ANXA4: variants seen among roughly 807,000 people sequenced by gnomAD.
The protein encoded by ANXA4 is 35-beta calcimedin.
A neutral mutation model predicts 49.8 loss-of-function variants in ANXA4; 39 were observed. The observed-to-expected ratio is 0.78, with a 90% CI of 0.61 to 1.02. The LOEUF is 1.02. ANXA4 is among the 50% of genes least tolerant of loss of function. The pLI is 0.00. For synonymous variants in ANXA4, 134 were observed against 152.5 expected (o/e 0.88, Z 0.89); for missense variants, 360 against 410.1 (o/e 0.88, Z 1.05).
At chr2:69,759,230 A>G (rs917338161) in intron 1 of ANXA4, among the ~76,000 whole-genome samples, 1 of 152,120 alleles carries the variant, frequency 6.6e-6, no homozygotes, top group African/African-American at 2.4e-5. Context: ...GGATGACTAT[A>G]GTAAAATAGT....
chr2:69,753,716 AG>A (rs1670942963), intron 1 of ANXA4, among the ~76,000 whole-genome samples: 2 of 152,110 alleles, frequency 1.3e-5, no homozygotes, highest in African/African-American at 4.8e-5. Context: ...GGCTGTTCAA[AG>A]GGGGTTGCCT....
At chr2:69,692,181 A>G (rs1677998237) in intron 2 of ANXA4, among the ~76,000 whole-genome samples, 1 of 152,226 alleles carries the variant, frequency 6.6e-6, no homozygotes, top group South Asian at 2.1e-4. Flanking sequence ...CACCGCGCCC[A>G]GACAACTCTT....
intron 3 of ANXA4, among the ~76,000 whole-genome samples, chr2:69,722,999 C>G (rs1669853615): frequency 7.0e-6 from 1 of 141,948 alleles, no homozygotes; most frequent in Non-Finnish European, 1.5e-5. Flanking sequence ...GATGAAACTC[C>G]ATCTCTACTA....
chr2:69,709,120 C>T (rs1266884393), intron 2 of ANXA4, among the ~76,000 whole-genome samples: 1 of 152,124 alleles, frequency 6.6e-6, no homozygotes, highest in Non-Finnish European at 1.5e-5. Context: ...TGAGAGTAAT[C>T]CCTATAGGAG....
chr2:69,699,751 A>G (rs1678270130), intron 2 of ANXA4, among the ~76,000 whole-genome samples: 3 of 152,226 alleles, frequency 2.0e-5, no homozygotes, highest in Admixed American at 2.0e-4. Context: ...TAATAAAAAG[A>G]TGCAGGTTGA....
At chr2:69,650,225 C>T (rs775760011) in intron 1 of ANXA4, among the ~76,000 whole-genome samples, 38 of 151,948 alleles carry the variant, frequency 2.5e-4, no homozygotes, top group South Asian at 2.1e-4. Context: ...CATGAGCCAC[C>T]GTGCTTGGCC....
At chr2:69,807,846 G>A (rs1043015687) in intron 5 of ANXA4, 60 bp from the exon 6 acceptor site, 5 of 1,391,236 alleles carry the variant, frequency 3.6e-6, no homozygotes, top group Non-Finnish European at 5.1e-6. Flanking sequence ...TTCCTTCTGT[G>A]TCTGGGCCTC....
chr2:69,748,015 C>G (rs1670680875), intron 1 of ANXA4, among the ~76,000 whole-genome samples: 1 of 152,010 alleles, frequency 6.6e-6, no homozygotes, highest in Non-Finnish European at 1.5e-5. Flanking sequence ...CTGTGGGGGA[C>G]AAGAGAACGG....
chr2:69,684,410 G>A (rs1677707900), intron 2 of ANXA4, among the ~76,000 whole-genome samples: 1 of 152,160 alleles, frequency 6.6e-6, no homozygotes, highest in South Asian at 2.1e-4. Flanking sequence ...TATAATTTGG[G>A]TGTTACAGTC....
intron 2 of ANXA4, among the ~76,000 whole-genome samples, chr2:69,693,901 G>A (rs1375455320): frequency 2.0e-5 from 3 of 151,922 alleles, no homozygotes; most frequent in Non-Finnish European, 2.9e-5. Context: ...CAGACCTCTG[G>A]ACAACTGTAC....
At chr2:69,739,277 C>T (rs115514103), upstream of ANXA4, among the ~76,000 whole-genome samples, 1 of 152,188 alleles carries the variant, frequency 6.6e-6, no homozygotes, top group South Asian at 2.1e-4. Context: ...GTTTGGAAGT[C>T]GGCTTTCTGA....
chr2:69,648,882 TCTTTTC>T (rs1559036742), intron 1 of ANXA4, among the ~76,000 whole-genome samples: 5 of 141,216 alleles, frequency 3.5e-5, no homozygotes, highest in East Asian at 2.3e-4. Flanking sequence ...TTTCTTTCTT[TCTTTTC>T]TTTTTTTTTT....
At chr2:69,819,608 A>G (rs1674145688) in intron 11 of ANXA4, among the ~76,000 whole-genome samples, 1 of 152,184 alleles carries the variant, frequency 6.6e-6, no homozygotes, top group Non-Finnish European at 1.5e-5. Context: ...ACAGATGAGG[A>G]AACTGAGGCA....
At chr2:69,725,889 T>G (rs1242517599) in intron 3 of ANXA4, among the ~76,000 whole-genome samples, 1 of 152,220 alleles carries the variant, frequency 6.6e-6, no homozygotes, top group African/African-American at 2.4e-5. Context: ...ATGCACAAAA[T>G]TCTGTAAAAT....
At chr2:69,660,775 G>GGAGAGAGA (rs60225306) in intron 2 of ANXA4, among the ~76,000 whole-genome samples, 3 of 145,666 alleles carry the variant, frequency 2.1e-5, no homozygotes, top group Non-Finnish European at 4.6e-5. Flanking sequence ...AGGGAGGGAG[G>GGAGAGAGA]GAGAGAGAGA....
intron 3 of ANXA4, among the ~76,000 whole-genome samples, chr2:69,801,518 C>T (rs761721460): frequency 5.3e-5 from 8 of 151,970 alleles, no homozygotes; most frequent in Non-Finnish European, 1.2e-4. Flanking sequence ...GATTCTCATG[C>T]CTCAGCCTCC....
chr2:69,644,666 G>T (rs1365422185), exon 1 of ANXA4: 1 of 152,212 alleles, frequency 6.6e-6, no homozygotes, highest in Non-Finnish European at 1.5e-5. Flanking sequence ...AAACTCGGGG[G>T]CTTTTCGGCC....
At chr2:69,819,244 T>G (rs1674129077) in intron 10 of ANXA4, 36 bp from the exon 11 acceptor site, 1 of 1,478,226 alleles carries the variant, frequency 6.8e-7, no homozygotes, top group Non-Finnish European at 9.3e-7. Context: ...GTCTTATCTG[T>G]AATCTTTTCA....
At chr2:69,732,729 G>A (rs1469604746) in intron 3 of ANXA4, among the ~76,000 whole-genome samples, 1 of 152,100 alleles carries the variant, frequency 6.6e-6, no homozygotes, top group Non-Finnish European at 1.5e-5. Context: ...TTGCACTCCA[G>A]CCTGGGCAAT....
Sources: gnomAD v4.1 joint callset for allele counts (sites outside exome capture counted in the v4.1 genomes callset) on GRCh38, gnomAD v4.1.1 for gene constraint, MANE v1.5 for transcripts, NCBI Gene and HGNC (gene_info 2026-07-23, HGNC 2026-07-21) for gene names.